Variants in POTEJ observed in about 807,000 individuals in gnomAD.
POTEJ encodes the protein POTE ankyrin domain family, member J.
Under a neutral mutation model 69.0 loss-of-function variants are expected in POTEJ, and 11 were observed. The ratio of observed to expected loss-of-function variants is 0.16; its 90% CI spans 0.10 to 0.26. The LOEUF (loss-of-function observed/expected upper bound fraction) is 0.26, where lower values mean the gene tolerates loss of function less well. Ranked by LOEUF, POTEJ falls within the 10% of genes least tolerant of loss-of-function variation. The pLI is 1.00. For synonymous variants in POTEJ, 117 were observed against 381.1 expected (o/e 0.31, Z 8.07); for missense variants, 327 against 1,045.5 (o/e 0.31, Z 9.48).
chr2:130,632,272 GA>G (rs1384841765), intron 8 of POTEJ, among the ~76,000 whole-genome samples: 50 of 149,428 alleles, frequency 3.3e-4, no homozygotes, highest in Non-Finnish European at 1.6e-4. Flanking sequence ...CATTGAAACA[GA>G]AATGAAGCAA....
Position 130,636,868 on chromosome 2 carries a change from G to A in POTEJ, c.1299-1751G>A, listed in dbSNP as rs1472129158. Reference sequence around the variant, plus strand: ...AGCACTTTGGGAGGCCAAGGCAGGCGGATCACGAGGTCAGGAGATCGAGAC... The same window carrying A: ...AGCACTTTGGGAGGCCAAGGCAGGCAGATCACGAGGTCAGGAGATCGAGAC... On this transcript the variant is annotated intron_variant, in intron 9 of 14. Transcript: ENST00000409602. 3.4e-5 allele frequency among the ~76,000 whole-genome samples: 5 copies of A among 147,238 alleles called. 1 individual carries two copies. Among genetic ancestry groups the A allele is most frequent in the South Asian group, 2.1e-4 (1 of 4,704 alleles).
intron 6 of POTEJ, among the ~76,000 whole-genome samples, chr2:130,625,242 C>T (rs1231998475): frequency 1.4e-4 from 22 of 152,134 alleles, no homozygotes; most frequent in Admixed American, 7.2e-4. Flanking sequence ...GCTTTTTCAA[C>T]AGAATTTACA....
chr2:130,643,155 A>T (rs2105246024), intron 10 of POTEJ, among the ~76,000 whole-genome samples: 1 of 146,360 alleles, frequency 6.8e-6, no homozygotes, highest in Middle Eastern at 3.6e-3. Context: ...GTAAAGTACT[A>T]AGGCAGCCTC....
chr2:130,613,226 A>G (rs186782187), intron 1 of POTEJ, among the ~76,000 whole-genome samples: 1,363 of 126,278 alleles, frequency 0.011, 1 homozygote, highest in African/African-American at 0.035. Context: ...ATATACGCAG[A>G]TATATATACA....
chr2:130,649,940 A>G (rs1393578612), intron 13 of POTEJ, among the ~76,000 whole-genome samples: 1 of 152,166 alleles, frequency 6.6e-6, no homozygotes, highest in Non-Finnish European at 1.5e-5. Context: ...CCCATTAAGG[A>G]ATAACCACTT....
rs1329909593 is a variant in POTEJ, at chr2:130,651,665, A to G, written c.1668-3256A>G. ...TTGCTCAAGTCCTAACATAATCTCC[A>G]GTAGGAGATTTTAGTCTCTTTGTCA... is the stretch of plus-strand genomic sequence containing the variant. On this transcript the variant is annotated intron_variant, in intron 13 of 14. Coordinates refer to ENST00000409602, the MANE Select transcript of POTEJ (RefSeq NM_001277083.2). 1.2e-3 allele frequency among the ~76,000 whole-genome samples: 158 copies of G among 130,846 alleles called. 1 individual carries two copies. Among genetic ancestry groups the G allele is most frequent in the African/African-American group, 4.3e-3 (137 of 32,070 alleles). The allele number at this position is 130,846 out of a possible 152,430, so 85.8% of individuals were successfully genotyped here. A position where few individuals can be genotyped will look rare whatever the true frequency, so the allele number is the denominator to read the frequency against.
At chr2:130,637,206 G>A (rs1233655051) in intron 9 of POTEJ, among the ~76,000 whole-genome samples, 6 of 150,848 alleles carry the variant, frequency 4.0e-5, no homozygotes, top group South Asian at 4.2e-4. Context: ...TTTTTATTTA[G>A]GGAGAAAAGC....
intron 9 of POTEJ, among the ~76,000 whole-genome samples, chr2:130,638,278 T>C (rs1198081169): frequency 1.3e-5 from 2 of 151,662 alleles, no homozygotes; most frequent in Non-Finnish European, 2.9e-5. Flanking sequence ...GAAGAAGACA[T>C]TAAGCCTAAG....
intron 6 of POTEJ, among the ~76,000 whole-genome samples, chr2:130,629,554 G>T (rs1351749103): frequency 1.3e-5 from 2 of 148,824 alleles, no homozygotes; most frequent in Non-Finnish European, 3.0e-5. Flanking sequence ...GGCCCTGCTT[G>T]TTACTATCCT....
chr2:130,622,640 G>C (rs1470375570), intron 5 of POTEJ, among the ~76,000 whole-genome samples: 1 of 138,754 alleles, frequency 7.2e-6, no homozygotes. Flanking sequence ...TTGGCCCCTT[G>C]AGTGATCTGA....
chr2:130,611,769 C>T lies in POTEJ; in HGVS notation c.237C>T (p.Asn79=), dbSNP rs1299268735. Reference sequence around the variant, plus strand: ...GCTGCAGGGGGAGCGGCAAGAGCAACGTGGGTGCTTGGGGAGACTACGACG... The same window carrying T: ...GCTGCAGGGGGAGCGGCAAGAGCAATGTGGGTGCTTGGGGAGACTACGACG... The part of the protein sequence containing the change: ...FPCCRGSGKS[N]VGAWGDYDDS... The change falls in exon 1 of 15, where the codon AAC becomes AAT. Residue 79 remains asparagine, a synonymous_variant. Transcript: ENST00000409602. 2.8e-5 allele frequency: 41 copies of T among 1,483,174 alleles called. No homozygotes were observed. The highest frequency in any genetic ancestry group is 3.6e-5 in the Non-Finnish European group (39 of 1,069,320). The allele number at this position is 1,483,174 out of a possible 1,614,324, so 91.9% of individuals were successfully genotyped here.
rs572233892 is a variant in POTEJ, at chr2:130,643,223, C to T, written c.1370-760C>T. ...ACATGCAGAATGAAGGAAGACTTCA[C>T]ATAGCATTGTTTCAAAAGATGAAAA... On this transcript the variant is annotated intron_variant, in intron 10 of 14. Coordinates refer to ENST00000409602, the MANE Select transcript of POTEJ (RefSeq NM_001277083.2). 2.1e-5 allele frequency among the ~76,000 whole-genome samples: 3 copies of T among 145,046 alleles called. No homozygotes were observed. In the East Asian group the frequency reaches 5.8e-4, roughly 28 times the overall value.
Position 130,640,456 on chromosome 2 carries a change from G to A in POTEJ, c.1369+1767G>A, listed in dbSNP as rs1412461090. Among the ~76,000 whole-genome samples the A allele has an allele frequency of 5.3e-5, 8 of 150,828 alleles. No individual in the cohort carries two copies. The South Asian group carries it at 8.3e-4, about 16-fold the overall frequency. On this transcript the variant is annotated intron_variant, in intron 10 of 14. Coordinates refer to ENST00000409602, the MANE Select transcript of POTEJ (RefSeq NM_001277083.2). ...GCTTTGGACTGCAAATACTAGATGA[G>A]CAGTGGCTAAAACAGTAGGAACCAG...
rs1341768145 is a variant in POTEJ, at chr2:130,613,382, GTGTATATATATA to G, written c.410+1442_410+1453del. On this transcript the variant is annotated intron_variant, in intron 1 of 14. Coordinates refer to ENST00000409602, the MANE Select transcript of POTEJ (RefSeq NM_001277083.2). The stretch of plus-strand genomic sequence containing the variant: ...TATATACATATATATGTGTGTGTGT[GTGTATATATATA>G]TATATATATATATATACTTTTTTTT... 3.8e-3 allele frequency among the ~76,000 whole-genome samples: 328 copies of G among 85,394 alleles called. 2 individuals carry two copies. Among genetic ancestry groups the G allele is most frequent in the African/African-American group, 0.012 (299 of 25,312 alleles). 56.0% of individuals were successfully genotyped at this position (85,394 alleles called of 152,430 possible). A position where few individuals can be genotyped will look rare whatever the true frequency, so the allele number is the denominator to read the frequency against.
At chr2:130,640,295 A>G (rs1188724227) in intron 10 of POTEJ, among the ~76,000 whole-genome samples, 1 of 141,190 alleles carries the variant, frequency 7.1e-6, no homozygotes, top group East Asian at 1.9e-4. Context: ...CACTTTTGGT[A>G]TTACCAAAAG....
chr2:130,657,575 G>A lies in POTEJ; in HGVS notation c.2815G>A (p.Glu939Lys), dbSNP rs759345388. Residue 939 changes from glutamate to lysine, a missense_variant, in exon 15 of 15, where the codon GAA becomes AAA. Transcript: ENST00000409602. ...GGGCATGGAATCCTGTGGCATCCAT[G>A]AAACTACCTTCAACTCCATCATGAA... ...FLGMESCGIH[E>K]TTFNSIMKSD... 9.0e-6 allele frequency: 14 copies of A among 1,547,690 alleles called. 1 individual carries two copies. The highest frequency in any genetic ancestry group is 8.8e-6 in the Non-Finnish European group (10 of 1,137,712).
intron 11 of POTEJ, among the ~76,000 whole-genome samples, chr2:130,645,187 T>C (rs1686535559): frequency 2.4e-4 from 1 of 4,096 alleles, no homozygotes; most frequent in Non-Finnish European, 8.2e-4. Flanking sequence ...AGTATATAAT[T>C]TCAATTAAAA....
At chr2:130,640,618 CA>C (rs1456115598) in intron 10 of POTEJ, among the ~76,000 whole-genome samples, 1 of 151,858 alleles carries the variant, frequency 6.6e-6, no homozygotes, top group Non-Finnish European at 1.5e-5. Context: ...TCTCACAACA[CA>C]ACATCGCAAG....
At chr2:130,641,061 C>T (rs533972403) in intron 10 of POTEJ, among the ~76,000 whole-genome samples, 156 of 151,960 alleles carry the variant, frequency 1.0e-3, no homozygotes, top group South Asian at 5.2e-3. Context: ...TCTACTTAAC[C>T]GTGCTGTTGT....
Sources: allele counts gnomAD v4.1 joint callset (sites outside exome capture counted in the v4.1 genomes callset), GRCh38; gene constraint gnomAD v4.1.1; transcripts MANE v1.5; gene names NCBI Gene and HGNC (gene_info 2026-07-23, HGNC 2026-07-21).